Variants in SLC4A10 observed in about 807,000 individuals in gnomAD.
SLC4A10 encodes the protein sodium-driven chloride bicarbonate exchanger.
SLC4A10 carries 42 observed loss-of-function variants against 137.7 expected under a neutral mutation model. The observed-to-expected ratio is 0.30, with a 90% CI of 0.24 to 0.39. The LOEUF (loss-of-function observed/expected upper bound fraction) is 0.39. Ranked by LOEUF, SLC4A10 falls within the 10% of genes least tolerant of loss-of-function variation. SLC4A10 has a pLI of 1.00. For synonymous variants in SLC4A10, 474 were observed against 464.1 expected (o/e 1.02, Z -0.27); for missense variants, 925 against 1,355.0 (o/e 0.68, Z 4.98).
Position 161,630,154 on chromosome 2 carries a change from G to T in SLC4A10, c.48+5588G>T, listed in dbSNP as rs1048621717. Among the ~76,000 whole-genome samples, 3 of 151,870 alleles carry T rather than the reference G, an allele frequency of 2.0e-5. No homozygotes were observed. The South Asian group carries it at 6.2e-4, about 31-fold the overall frequency. ...ACTACATGCTATTCTCATGAGCAAT[G>T]AATGAGAGTTCCTCTTGCTCCACAC... is the stretch of plus-strand genomic sequence containing the variant. On this transcript the variant is annotated intron_variant, in intron 1 of 26. Transcript: ENST00000446997.
chr2:161,746,209 T>C (rs1341002140), intron 1 of SLC4A10, among the ~76,000 whole-genome samples: 2 of 152,060 alleles, frequency 1.3e-5, no homozygotes, highest in African/African-American at 2.4e-5. Flanking sequence ...GATCTAGAAA[T>C]GCCATCCAGG....
intron 10 of SLC4A10, among the ~76,000 whole-genome samples, 163 bp downstream of exon 10, chr2:161,882,607 A>T (rs1484401849): frequency 6.6e-6 from 1 of 152,116 alleles, no homozygotes; most frequent in African/African-American, 2.4e-5. Flanking sequence ...AATGTTTCCC[A>T]AAGGGATAAT....
At chr2:161,781,456 C>T (rs77840527) in intron 2 of SLC4A10, among the ~76,000 whole-genome samples, 4,362 of 151,924 alleles carry the variant, frequency 0.029, 185 homozygotes, top group African/African-American at 0.099. Context: ...GCTTGGGTTT[C>T]GAGATGAATG....
chr2:161,896,582 A>T (rs893698184), intron 11 of SLC4A10, among the ~76,000 whole-genome samples: 1 of 152,090 alleles, frequency 6.6e-6, no homozygotes, highest in African/African-American at 2.4e-5. Context: ...CTTACAAGGG[A>T]CGTGAAGGAC....
intron 1 of SLC4A10, among the ~76,000 whole-genome samples, chr2:161,732,826 G>A (rs1040986654): frequency 1.3e-5 from 2 of 152,180 alleles, no homozygotes; most frequent in Admixed American, 1.3e-4. Context: ...GGTCTCAGAT[G>A]GAGATGAGGA....
intron 8 of SLC4A10, among the ~76,000 whole-genome samples, chr2:161,874,322 C>T (rs138854787): frequency 5.9e-4 from 90 of 152,296 alleles, no homozygotes; most frequent in African/African-American, 2.1e-3. Flanking sequence ...CATTATAAAG[C>T]ACATAGCTCC....
At chr2:161,640,755 T>C (rs2035207728) in intron 1 of SLC4A10, among the ~76,000 whole-genome samples, 2 of 151,946 alleles carry the variant, frequency 1.3e-5, no homozygotes, top group Admixed American at 1.3e-4. Flanking sequence ...AGCCTCTGAA[T>C]CCTGGTCTCA....
chr2:161,710,294 T>C (rs994733240), intron 1 of SLC4A10, among the ~76,000 whole-genome samples: 3 of 151,784 alleles, frequency 2.0e-5, no homozygotes, highest in African/African-American at 7.2e-5. Flanking sequence ...GTATTAGTCA[T>C]TATGAGTACA....
intron 1 of SLC4A10, among the ~76,000 whole-genome samples, chr2:161,674,626 A>G (rs959550963): frequency 6.6e-6 from 1 of 152,180 alleles, no homozygotes; most frequent in African/African-American, 2.4e-5. Context: ...ATTTCATAAT[A>G]TGATTGGAAA....
At chr2:161,857,046 A>T (rs539449238) in intron 5 of SLC4A10, among the ~76,000 whole-genome samples, 1 of 152,162 alleles carries the variant, frequency 6.6e-6, no homozygotes, top group African/African-American at 2.4e-5. Context: ...TGTAATTTCT[A>T]ATGCTTTCCT....
chr2:161,753,304 C>A (rs2049196978), intron 1 of SLC4A10, among the ~76,000 whole-genome samples: 1 of 152,152 alleles, frequency 6.6e-6, no homozygotes, highest in Non-Finnish European at 1.5e-5. Flanking sequence ...TTAAGCTAAA[C>A]TTTTTTCTGT....
intron 1 of SLC4A10, among the ~76,000 whole-genome samples, chr2:161,727,041 A>G (rs1346982258): frequency 6.6e-6 from 1 of 152,242 alleles, no homozygotes; most frequent in Non-Finnish European, 1.5e-5. Flanking sequence ...CTACTCCAGC[A>G]GAATACTGGA....
chr2:161,737,528 TA>T (rs142599893), intron 1 of SLC4A10, among the ~76,000 whole-genome samples: 26,150 of 151,728 alleles, frequency 0.17, 2,256 homozygotes, highest in African/African-American at 0.22. Context: ...TAAAGTCTTT[TA>T]AAAAAATAAA....
chr2:161,818,342 A>G (rs576875588), intron 3 of SLC4A10, among the ~76,000 whole-genome samples: 7 of 152,090 alleles, frequency 4.6e-5, no homozygotes, highest in Admixed American at 3.9e-4. Flanking sequence ...GTATCCTGAG[A>G]CTTGTTGTAG....
intron 11 of SLC4A10, among the ~76,000 whole-genome samples, chr2:161,897,382 G>A (rs1409946452): frequency 6.6e-6 from 1 of 152,022 alleles, no homozygotes; most frequent in Non-Finnish European, 1.5e-5. Context: ...GCCCTGTGGA[G>A]TTCAGCCTTG....
At chr2:161,765,608 CAAAAAAAA>C (rs370721653) in intron 1 of SLC4A10, among the ~76,000 whole-genome samples, 1 of 93,164 alleles carries the variant, frequency 1.1e-5, no homozygotes, top group African/African-American at 3.6e-5. Context: ...GAGCAAGACT[CAAAAAAAA>C]AAAAAAAAAG....
At chr2:161,838,678 C>T (rs1352403656) in intron 3 of SLC4A10, among the ~76,000 whole-genome samples, 1 of 152,164 alleles carries the variant, frequency 6.6e-6, no homozygotes, top group Admixed American at 6.5e-5. Context: ...TTTTCATAAA[C>T]ACTTTGCCAG....
chr2:161,981,500 C>G (rs933745141), intron 26 of SLC4A10, among the ~76,000 whole-genome samples: 17 of 152,188 alleles, frequency 1.1e-4, no homozygotes, highest in African/African-American at 4.1e-4. Flanking sequence ...GCAGCTCATT[C>G]TGAGTTTCTG....
rs1007895480 is a variant in SLC4A10 at position 161,708,811 on chromosome 2, T to A, written c.49-62162T>A. 2.6e-6 allele frequency: 4 copies of A among 1,532,474 alleles called. No individual in the cohort carries two copies. The African/African-American group carries it at 5.5e-5, about 21-fold the overall frequency. The allele number at this position is 1,532,474 out of a possible 1,614,324, so 94.9% of individuals were successfully genotyped here. A position where few individuals can be genotyped will look rare whatever the true frequency, so the allele number is the denominator to read the frequency against. ...TGCAGTCTGGAACCTGTGAGCCTTTTCAATCTCTAAGTCATCAGGTATGAC... is the reference window on the plus strand; with the variant it reads ...TGCAGTCTGGAACCTGTGAGCCTTTACAATCTCTAAGTCATCAGGTATGAC... On this transcript the variant is annotated intron_variant, in intron 1 of 26. Coordinates refer to ENST00000446997, the MANE Select transcript of SLC4A10 (RefSeq NM_001178015.2).
Sources: gnomAD v4.1 joint callset for allele counts (sites outside exome capture counted in the v4.1 genomes callset) on GRCh38, gnomAD v4.1.1 for gene constraint, MANE v1.5 for transcripts, NCBI Gene and HGNC (gene_info 2026-07-23, HGNC 2026-07-21) for gene names.